UBXN2A: variants seen among roughly 807,000 people sequenced by gnomAD.
The protein encoded by UBXN2A is UBX domain protein 2A.
UBXN2A carries 28 observed loss-of-function variants against 28.4 expected under a neutral mutation model. That is an observed-to-expected ratio of 0.99 (90% CI 0.73 to 1.35). UBXN2A has a LOEUF of 1.35. Among genes scored for constraint, UBXN2A ranks in the 40% most tolerant of loss-of-function variants. The pLI is 0.00. For missense variants in UBXN2A, 253 were observed against 297.9 expected, an observed-to-expected ratio of 0.85 and a Z score of 1.11; for synonymous variants, 97 against 103.6, an observed-to-expected ratio of 0.94 and a Z score of 0.39.
chr2:23,951,570 C>T (rs1706375238), intron 1 of UBXN2A, among the ~76,000 whole-genome samples: 1 of 151,722 alleles, frequency 6.6e-6, no homozygotes, highest in Non-Finnish European at 1.5e-5. Flanking sequence ...AAGCGATTCT[C>T]CTGCCTCAGC....
chr2:23,943,827 G>A (rs1008270545), intron 1 of UBXN2A: 26 of 336,210 alleles, frequency 7.7e-5, no homozygotes, highest in Non-Finnish European at 1.0e-4. Flanking sequence ...TTGCATTTCC[G>A]TCCAGACCAG....
intron 6 of UBXN2A, among the ~76,000 whole-genome samples, chr2:23,990,970 C>T (rs1204189649): frequency 6.6e-6 from 1 of 152,150 alleles, no homozygotes; most frequent in African/African-American, 2.4e-5. Context: ...TATTTTTCCT[C>T]ACCCCACTTG....
At chr2:23,994,575 C>T (rs1467100844) in intron 6 of UBXN2A, among the ~76,000 whole-genome samples, 1 of 152,180 alleles carries the variant, frequency 6.6e-6, no homozygotes, top group Admixed American at 6.5e-5. Context: ...CTGTTAAATA[C>T]ATGTGTTGGA....
chr2:23,955,020 C>G (rs1027003224), intron 1 of UBXN2A, among the ~76,000 whole-genome samples: 14 of 151,226 alleles, frequency 9.3e-5, no homozygotes, highest in Admixed American at 1.3e-4. Context: ...GCAACCTCCA[C>G]CTCCCGGGTT....
intron 1 of UBXN2A, among the ~76,000 whole-genome samples, chr2:23,946,869 C>T (rs1195723804): frequency 6.6e-6 from 1 of 150,514 alleles, no homozygotes; most frequent in African/African-American, 2.4e-5. Context: ...AGAAGAGTCT[C>T]AGACTCCCAA....
At chr2:23,980,330 A>G (rs1707842236) in intron 4 of UBXN2A, among the ~76,000 whole-genome samples, 1 of 152,104 alleles carries the variant, frequency 6.6e-6, no homozygotes, top group Non-Finnish European at 1.5e-5. Context: ...GGAATTGTTA[A>G]CTCTTATATT....
At chr2:23,945,993 G>A (rs929051341) in intron 1 of UBXN2A, among the ~76,000 whole-genome samples, 5 of 151,656 alleles carry the variant, frequency 3.3e-5, no homozygotes, top group Non-Finnish European at 5.9e-5. Flanking sequence ...TCCCACGTCC[G>A]GCTAGTTTTT....
chr2:23,982,289 C>T (rs1707942403), intron 4 of UBXN2A, among the ~76,000 whole-genome samples: 2 of 152,020 alleles, frequency 1.3e-5, no homozygotes, highest in South Asian at 4.1e-4. Context: ...ATGGCGTGAA[C>T]CCGGGAGGCG....
upstream of UBXN2A, among the ~76,000 whole-genome samples, chr2:23,935,675 T>C (rs190555410): frequency 5.7e-4 from 87 of 152,328 alleles, no homozygotes; most frequent in East Asian, 0.013. Context: ...AAGATGGTGC[T>C]GCTATTTGGA....
At chr2:23,982,841 T>A in intron 4 of UBXN2A, 55 bp from the exon 5 acceptor site, 2 of 1,526,170 alleles carry the variant, frequency 1.3e-6, no homozygotes, top group South Asian at 1.3e-5. Context: ...AGAATGTTTT[T>A]CAGAGAAATA....
intron 1 of UBXN2A, among the ~76,000 whole-genome samples, chr2:23,956,497 C>T (rs1488871027): frequency 2.0e-5 from 3 of 151,914 alleles, no homozygotes; most frequent in Non-Finnish European, 2.9e-5. Context: ...GGATTACTTG[C>T]GCCGACCACC....
chr2:23,962,940 G>T (rs140101741), intron 2 of UBXN2A, among the ~76,000 whole-genome samples: 9,813 of 152,168 alleles, frequency 0.064, 408 homozygotes, highest in African/African-American at 0.12. Context: ...TTACAGTTCC[G>T]CATGGCTGGG....
chr2:23,947,168 G>A (rs1706128831), intron 1 of UBXN2A, among the ~76,000 whole-genome samples: 1 of 151,990 alleles, frequency 6.6e-6, no homozygotes, highest in Admixed American at 6.6e-5. Flanking sequence ...AGATTACAGG[G>A]GTGCACCACT....
rs193016790 is a variant in UBXN2A at position 23,999,214 on chromosome 2, G to C, written c.585-458G>C. Among the ~76,000 whole-genome samples, 192 of 152,192 alleles carry C rather than the reference G, an allele frequency of 1.3e-3. 2 individuals are homozygous for C. Among genetic ancestry groups the C allele is most frequent in the South Asian group, 3.7e-3 (18 of 4,816 alleles). Reference sequence around the variant, plus strand: ...ATTCTATAATCCATGGCTACATGACGATCATGATACAATTGTGACAGCCTC... The same window carrying C: ...ATTCTATAATCCATGGCTACATGACCATCATGATACAATTGTGACAGCCTC... On this transcript the variant is annotated intron_variant, in intron 6 of 6. Coordinates refer to ENST00000309033, the MANE Select transcript of UBXN2A (RefSeq NM_181713.4).
chr2:23,943,184 A>G (rs561380343), intron 1 of UBXN2A, among the ~76,000 whole-genome samples: 1 of 151,910 alleles, frequency 6.6e-6, no homozygotes, highest in South Asian at 2.1e-4. Context: ...CTCGAACTCC[A>G]GACCTTCTGA....
intron 1 of UBXN2A, among the ~76,000 whole-genome samples, chr2:23,950,479 C>T (rs1248734947): frequency 6.6e-6 from 1 of 152,130 alleles, no homozygotes; most frequent in Non-Finnish European, 1.5e-5. Flanking sequence ...TCTTGGCTCA[C>T]TGCGACCTCC....
At chr2:23,976,920 C>T (rs749754588) in intron 3 of UBXN2A, 49 bp from the exon 4 acceptor site, 15 of 1,489,330 alleles carry the variant, frequency 1.0e-5, no homozygotes, top group African/African-American at 9.7e-5. Flanking sequence ...ACTTTCAATC[C>T]TACTACATTT....
intron 1 of UBXN2A, among the ~76,000 whole-genome samples, chr2:23,954,931 C>CTCCT (rs1484470623): frequency 8.3e-6 from 1 of 120,850 alleles, no homozygotes; most frequent in Non-Finnish European, 1.7e-5. Context: ...GCTTGCCTAC[C>CTCCT]TTTTTTTTTT....
At chr2:23,997,223 G>C (rs187092753) in intron 6 of UBXN2A, 14 of 151,918 alleles carry the variant, frequency 9.2e-5, no homozygotes, top group African/African-American at 3.4e-4. Flanking sequence ...TATTTTTCTT[G>C]ATAAATCTTG....
Sources: allele counts gnomAD v4.1 joint callset (sites outside exome capture counted in the v4.1 genomes callset), GRCh38; gene constraint gnomAD v4.1.1; transcripts MANE v1.5; gene names NCBI Gene and HGNC (gene_info 2026-07-23, HGNC 2026-07-21).